The following PIK3C3 variants were observed in gnomAD, a reference collection of about 807,000 sequenced individuals.
The protein encoded by PIK3C3 is phosphatidylinositol 3-kinase catalytic subunit type 3, also known as PI3-kinase type 3.
A neutral mutation model predicts 126.1 loss-of-function variants in PIK3C3; 95 were observed. The observed-to-expected ratio is 0.75, with a 90% CI of 0.64 to 0.89. PIK3C3 has a LOEUF of 0.89. Ranked by LOEUF, PIK3C3 falls within the 40% of genes least tolerant of loss-of-function variation. PIK3C3 has a pLI of 0.00. For synonymous variants in PIK3C3, 374 were observed against 360.0 expected (o/e 1.04, Z -0.44); for missense variants, 829 against 1,063.2 (o/e 0.78, Z 3.06).
At chr18:41,994,426 A>G (rs1044420175) in intron 7 of PIK3C3, among the ~76,000 whole-genome samples, 3 of 152,202 alleles carry the variant, frequency 2.0e-5, no homozygotes, top group Non-Finnish European at 4.4e-5. Context: ...TGTTAAATGC[A>G]GAAACACATT....
At chr18:42,058,994 A>G (rs566701417) in intron 22 of PIK3C3, among the ~76,000 whole-genome samples, 1 of 152,344 alleles carries the variant, frequency 6.6e-6, no homozygotes, top group Admixed American at 6.5e-5. Flanking sequence ...CCTTTGTGAC[A>G]TCAATTACTC....
In PIK3C3 at chr18:42,084,459, A is replaced by G. The variant is rs1255826420; in HGVS notation, c.*3322A>G. On this transcript the variant is annotated 3_prime_UTR_variant, in exon 25 of 25. Transcript: ENST00000262039. ...TGATTTGCCAAAATGAGTAATTTTGATATATTAATATTTCACTTATAAGAA... is the reference window on the plus strand; with the variant it reads ...TGATTTGCCAAAATGAGTAATTTTGGTATATTAATATTTCACTTATAAGAA... 6.6e-6 allele frequency: 1 copy of G among 152,070 alleles called. No homozygotes were observed. Among genetic ancestry groups the G allele is most frequent in the Non-Finnish European group, 1.5e-5 (1 of 68,002 alleles). 9.4% of individuals were successfully genotyped at this position (152,070 alleles called of 1,614,324 possible).
chr18:42,008,100 C>A (rs937111378), intron 10 of PIK3C3, among the ~76,000 whole-genome samples: 17 of 152,028 alleles, frequency 1.1e-4, no homozygotes, highest in African/African-American at 3.9e-4. Context: ...TGATACATTT[C>A]CTAATGTTTT....
In PIK3C3 at chr18:42,057,993, A is replaced by C; in HGVS notation, c.2374A>C (p.Ser792Arg). 1.2e-6 allele frequency: 2 copies of C among 1,613,456 alleles called. No homozygotes were observed. Among genetic ancestry groups the C allele is most frequent in the Non-Finnish European group, 1.7e-6 (2 of 1,179,636 alleles). ...GGTAGAAGGAATGGGGGGCACACAGAGTGAGCAGTACCAAGAGTTCCGTAA... is the reference window on the plus strand; with the variant it reads ...GGTAGAAGGAATGGGGGGCACACAGCGTGAGCAGTACCAAGAGTTCCGTAA... ...EMVEGMGGTQ[S>R]EQYQEFRKQC... is the part of the protein sequence containing the mutation. Residue 792 changes from serine to arginine, a missense_variant, in exon 22 of 25, where the codon AGT (serine) becomes CGT (arginine). By Grantham distance (110) the Ser-to-Arg change is moderately radical (BLOSUM62 -1). Around this residue, in one of 4 missense-constraint regions of PIK3C3, gnomAD observed 196 missense variants for 312.8 expected, o/e 0.63. Transcript: ENST00000262039.
chr18:42,003,438 C>T (rs1982388722), intron 9 of PIK3C3, among the ~76,000 whole-genome samples: 2 of 152,116 alleles, frequency 1.3e-5, no homozygotes, highest in South Asian at 4.1e-4. Flanking sequence ...ACATGCTTTT[C>T]TTTATTTTCA....
chr18:41,996,844 A>T (rs371459671), intron 9 of PIK3C3, 114 bp downstream of exon 9: 3 of 621,270 alleles, frequency 4.8e-6, no homozygotes, highest in East Asian at 2.8e-5. Flanking sequence ...GAAAAGTTAC[A>T]GAGCAGTATA....
intron 24 of PIK3C3, among the ~76,000 whole-genome samples, chr18:42,079,316 T>C (rs543066466): frequency 1.3e-5 from 2 of 152,088 alleles, no homozygotes; most frequent in South Asian, 2.1e-4. Context: ...GTTGGTGGAG[T>C]AGTCAGAACA....
chr18:42,058,581 T>G (rs567871822), intron 22 of PIK3C3, among the ~76,000 whole-genome samples: 2 of 152,234 alleles, frequency 1.3e-5, no homozygotes, highest in Non-Finnish European at 2.9e-5. Context: ...GTTTGCTCAA[T>G]GATTGTGGTA....
rs551522665 is a variant in PIK3C3, at chr18:41,957,662, G to C, written c.161G>C (p.Cys54Ser). ...LKFSGLYQET[C>S]SDLYVTCQVF... ...TTCTCAGGACTATATCAAGAGACATGCTCTGATCTTTATGTTACTTGTCAA... is the reference window on the plus strand; with the variant it reads ...TTCTCAGGACTATATCAAGAGACATCCTCTGATCTTTATGTTACTTGTCAA... The change falls in exon 2 of 25, where the codon TGC (cysteine) becomes TCC (serine). Residue 54 changes from cysteine to serine, a missense_variant. Cys to Ser is a moderately radical substitution (Grantham distance 112). Coordinates refer to ENST00000262039, the MANE Select transcript of PIK3C3 (RefSeq NM_002647.4). 6.2e-7 allele frequency: 1 copy of C among 1,613,938 alleles called. No homozygotes were observed. Among genetic ancestry groups the C allele is most frequent in the Admixed American group, 1.7e-5 (1 of 60,000 alleles).
chr18:41,978,076 A>G (rs556947533), intron 4 of PIK3C3, among the ~76,000 whole-genome samples: 1 of 152,182 alleles, frequency 6.6e-6, no homozygotes, highest in African/African-American at 2.4e-5. Flanking sequence ...ATCCTCCCAC[A>G]TCCTCTGGAG....
intron 2 of PIK3C3, among the ~76,000 whole-genome samples, chr18:41,960,685 A>G (rs1009410708): frequency 7.9e-5 from 12 of 152,138 alleles, no homozygotes; most frequent in African/African-American, 2.7e-4. Flanking sequence ...AGATTTTTCT[A>G]TAACTTCTAG....
chr18:42,052,662 A>G (rs1243660065), intron 21 of PIK3C3: 1 of 152,174 alleles, frequency 6.6e-6, no homozygotes, highest in Non-Finnish European at 1.5e-5. Flanking sequence ...GAGAGTTTGT[A>G]TTTCAAAGTG....
chr18:42,016,151 T>C (rs1441099815), intron 12 of PIK3C3, among the ~76,000 whole-genome samples: 1 of 152,138 alleles, frequency 6.6e-6, no homozygotes, highest in African/African-American at 2.4e-5. Flanking sequence ...TGTTTTATTA[T>C]TAGAACAGTT....
intron 12 of PIK3C3, among the ~76,000 whole-genome samples, chr18:42,017,887 T>C (rs1983146819): frequency 6.6e-6 from 1 of 151,978 alleles, no homozygotes; most frequent in African/African-American, 2.4e-5. Context: ...TTTAACACTC[T>C]GTTTTATAAC....
Position 42,081,219 on chromosome 18 carries a change from G to T in PIK3C3, c.*82G>T. The T allele has an allele frequency of 1.2e-6, 1 of 832,100 alleles. No individual in the cohort carries two copies. Among genetic ancestry groups the T allele is most frequent in the Admixed American group, 2.3e-5 (1 of 42,944 alleles). 51.5% of individuals were successfully genotyped at this position (832,100 alleles called of 1,614,324 possible). On this transcript the variant is annotated 3_prime_UTR_variant, in exon 25 of 25. Coordinates refer to ENST00000262039, the MANE Select transcript of PIK3C3 (RefSeq NM_002647.4). ...ACCTTTGTATATTGGAGACTTCAGA[G>T]TAACCAGCAAGGAAGAGAAATCTTA...
At chr18:41,996,795 T>A in intron 9 of PIK3C3, 65 bp downstream of exon 9, 1 of 823,848 alleles carries the variant, frequency 1.2e-6, no homozygotes, top group Admixed American at 2.3e-5. Context: ...ATGATCAAGA[T>A]GAGGAAAATG....
At chr18:41,975,362 T>C (rs548496797) in intron 4 of PIK3C3, among the ~76,000 whole-genome samples, 2 of 152,362 alleles carry the variant, frequency 1.3e-5, no homozygotes, top group East Asian at 1.9e-4. Flanking sequence ...CATTAAAAAT[T>C]CAGTTGCTCT....
chr18:41,989,319 C>A (rs1981656367), intron 5 of PIK3C3, among the ~76,000 whole-genome samples: 1 of 152,112 alleles, frequency 6.6e-6, no homozygotes, highest in Non-Finnish European at 1.5e-5. Flanking sequence ...AGTCCTCCCA[C>A]CTCCCAACGT....
chr18:42,067,265 G>T, intron 23 of PIK3C3, 123 bp from the exon 24 acceptor site: 1 of 835,836 alleles, frequency 1.2e-6, no homozygotes, highest in African/African-American at 1.7e-5. Context: ...ATAAGTTACA[G>T]GTCATTTATT....
Sources: allele counts gnomAD v4.1 joint callset (sites outside exome capture counted in the v4.1 genomes callset), GRCh38; gene constraint gnomAD v4.1.1; regional missense constraint gnomAD v4.1.1; transcripts MANE v1.5; gene names NCBI Gene and HGNC (gene_info 2026-07-23, HGNC 2026-07-21).